Variants in AFG1L observed in about 807,000 individuals in gnomAD.
AFG1L encodes AFG1-like ATPase.
Under a neutral mutation model 62.2 loss-of-function variants are expected in AFG1L, and 53 were observed. The observed-to-expected ratio is 0.85, with a 90% confidence interval of 0.68 to 1.07. The LOEUF (loss-of-function observed/expected upper bound fraction) is 1.07. Among genes scored for constraint, AFG1L ranks in the 50% least tolerant of loss-of-function variants. The pLI is 0.00. For synonymous variants in AFG1L, 228 were observed against 210.3 expected (o/e 1.08, Z -0.73); for missense variants, 555 against 590.5 (o/e 0.94, Z 0.62).
intron 7 of AFG1L, among the ~76,000 whole-genome samples, chr6:108,419,809 A>C (rs558823649): frequency 6.6e-6 from 1 of 152,300 alleles, no homozygotes; most frequent in African/African-American, 2.4e-5. Context: ...AATGATAAGA[A>C]AATTTTTCCT....
intron 10 of AFG1L, among the ~76,000 whole-genome samples, chr6:108,504,671 A>G (rs1774330623): frequency 6.6e-6 from 1 of 152,260 alleles, no homozygotes; most frequent in Non-Finnish European, 1.5e-5. Context: ...AGTTGCCACA[A>G]ATCTTCAATT....
intron 10 of AFG1L, among the ~76,000 whole-genome samples, chr6:108,488,927 T>A (rs927766833): frequency 5.9e-5 from 9 of 152,140 alleles, no homozygotes; most frequent in Admixed American, 2.6e-4. Context: ...AGAAAGGTTC[T>A]ACTTCCATTT....
At chr6:108,473,365 T>C (rs1456491535) in intron 8 of AFG1L, among the ~76,000 whole-genome samples, 4 of 152,122 alleles carry the variant, frequency 2.6e-5, no homozygotes, top group African/African-American at 7.2e-5. Context: ...CAAGGAATTA[T>C]TTATTCACCA....
At chr6:108,318,900 T>A (rs1230682561) in intron 1 of AFG1L, among the ~76,000 whole-genome samples, 1 of 152,216 alleles carries the variant, frequency 6.6e-6, no homozygotes, top group African/African-American at 2.4e-5. Flanking sequence ...AGTAACAGAT[T>A]TAATTTAATG....
intron 6 of AFG1L, among the ~76,000 whole-genome samples, chr6:108,382,871 A>T (rs1780608466): frequency 6.6e-6 from 1 of 152,236 alleles, no homozygotes; most frequent in South Asian, 2.1e-4. Flanking sequence ...GTTCAAGATT[A>T]TATACACGTG....
intron 8 of AFG1L, among the ~76,000 whole-genome samples, chr6:108,476,401 TG>T (rs1207167530): frequency 6.6e-6 from 1 of 152,220 alleles, no homozygotes; most frequent in Non-Finnish European, 1.5e-5. Flanking sequence ...AATTTAATTC[TG>T]GAGGTTTGAT....
intron 10 of AFG1L, among the ~76,000 whole-genome samples, chr6:108,497,504 G>T (rs1314330193): frequency 3.3e-5 from 5 of 151,344 alleles, no homozygotes; most frequent in South Asian, 2.1e-4. Context: ...TTTCATATCA[G>T]TTTGCTCTCT....
At chr6:108,431,953 C>T (rs908637957) in intron 7 of AFG1L, among the ~76,000 whole-genome samples, 36 of 150,644 alleles carry the variant, frequency 2.4e-4, no homozygotes, top group African/African-American at 8.1e-4. Flanking sequence ...CCACAGAGTT[C>T]CAGACACTGA....
rs1469449412 is a variant in AFG1L at position 108,330,941 on chromosome 6, G to A, written c.363+6893G>A. Among the ~76,000 whole-genome samples the A allele has an allele frequency of 2.0e-5, 3 of 152,150 alleles. No individual in the cohort carries two copies. The East Asian group carries it at 5.8e-4, about 29-fold the overall frequency. On this transcript the variant is annotated intron_variant, in intron 2 of 12. Transcript: ENST00000368977. ...GAAAATGAACTAAGACATGTGCTAA[G>A]TAGGATTTATGATTTTATGAACTTT... is the stretch of plus-strand genomic sequence containing the variant.
rs1452330713 is a variant in AFG1L at position 108,476,890 on chromosome 6, G to A, written c.916G>A (p.Val306Ile). ...YLTSEADVEA[V>I]MDKLFDELAQ... ...CACAAGTGAAGCTGATGTGGAGGCTGTCATGGATAAGTTGTTTGATGAGCT... is the reference window on the plus strand; with the variant it reads ...CACAAGTGAAGCTGATGTGGAGGCTATCATGGATAAGTTGTTTGATGAGCT... The change falls in exon 9 of 13, where the codon GTC (valine) becomes ATC (isoleucine). Residue 306 changes from valine to isoleucine, a missense_variant. Val to Ile is a conservative substitution (Grantham distance 29). Coordinates refer to ENST00000368977, the MANE Select transcript of AFG1L (RefSeq NM_145315.5). 2 of 1,613,794 alleles carry A rather than the reference G, an allele frequency of 1.2e-6. No homozygotes were observed. The highest frequency in any genetic ancestry group is 2.7e-5 in the African/African-American group (2 of 74,926).
At chr6:108,474,322 G>A (rs142366724) in intron 8 of AFG1L, among the ~76,000 whole-genome samples, 3 of 152,270 alleles carry the variant, frequency 2.0e-5, no homozygotes, top group Non-Finnish European at 4.4e-5. Flanking sequence ...CTTTGCTGTT[G>A]TGAATAGTGC....
In AFG1L at chr6:108,500,693, ATAGTAGTTCTATTTT is replaced by A. The variant is rs1774163396; in HGVS notation, c.1063-9514_1063-9500del. 2.0e-5 allele frequency among the ~76,000 whole-genome samples: 3 copies of A among 152,288 alleles called. 1 individual carries two copies. In the South Asian group the frequency reaches 6.2e-4, roughly 32 times the overall value. On this transcript the variant is annotated intron_variant, in intron 10 of 12. Coordinates refer to ENST00000368977, the MANE Select transcript of AFG1L (RefSeq NM_145315.5). ...CCCAGTAGTGGGATTGCTGGGTTGA[ATAGTAGTTCTATTTT>A]TAGTTCTTTGAGAAATCTCCATACT...
At position 108,323,810 on chromosome 6, in the gene AFG1L, T is replaced by C. The variant is rs764709478; in HGVS notation, c.140-15T>C. On this transcript the variant is annotated splice_polypyrimidine_tract_variant and intron_variant, in intron 1 of 12. Transcript: ENST00000368977. ...GTATTTAAGAAAGTCTAAAATTTTA[T>C]GTTTTTGTTTATAGCCTATACGGTT... 1.7e-5 allele frequency: 27 copies of C among 1,587,418 alleles called. No homozygotes were observed. The highest frequency in any genetic ancestry group is 2.2e-5 in the Non-Finnish European group (26 of 1,158,804).
At chr6:108,359,096 G>T (rs1211260623) in intron 5 of AFG1L, 4 of 152,030 alleles carry the variant, frequency 2.6e-5, no homozygotes, top group Admixed American at 6.5e-5. Context: ...TGTCTATTTT[G>T]TATTATATTT....
chr6:108,302,679 T>G (rs1429032037), intron 1 of AFG1L, among the ~76,000 whole-genome samples: 3 of 152,120 alleles, frequency 2.0e-5, no homozygotes, highest in Non-Finnish European at 4.4e-5. Context: ...GCGCTATAAG[T>G]CAAGTTTGAT....
At chr6:108,302,348 T>C (rs1483851562) in intron 1 of AFG1L, among the ~76,000 whole-genome samples, 1 of 152,232 alleles carries the variant, frequency 6.6e-6, no homozygotes, top group Non-Finnish European at 1.5e-5. Flanking sequence ...CTGATTTGCT[T>C]TGTTATACTT....
chr6:108,495,749 A>G (rs1157746408), intron 10 of AFG1L, among the ~76,000 whole-genome samples: 2 of 152,226 alleles, frequency 1.3e-5, no homozygotes, highest in Non-Finnish European at 2.9e-5. Context: ...GTCATTATAG[A>G]TTTAAAGTTC....
At chr6:108,348,065 G>GTTTTGT (rs368344668) in intron 3 of AFG1L, among the ~76,000 whole-genome samples, 2,042 of 151,942 alleles carry the variant, frequency 0.013, 38 homozygotes, top group African/African-American at 0.042. Context: ...AGTAGGTTTT[G>GTTTTGT]TTTTGTTTTT....
chr6:108,399,769 CTTTTTTTTTTT>C lies in AFG1L; in HGVS notation c.749-2210_749-2200del, dbSNP rs757924406. ...TGGGGTGGGGTGTGGAAGTATCTCTCTTTTTTTTTTTTTTTTTTTTTTTTTTTGAGATAAGG... is the reference window on the plus strand; with the variant it reads ...TGGGGTGGGGTGTGGAAGTATCTCTCTTTTTTTTTTTTTTTTGAGATAAGG... On this transcript the variant is annotated intron_variant, in intron 6 of 12. Transcript: ENST00000368977. Among the ~76,000 whole-genome samples, 13 of 42,658 alleles carry C rather than the reference CTTTTTTTTTTT, an allele frequency of 3.0e-4. 1 individual carries two copies. The highest frequency in any genetic ancestry group is 2.5e-3 in the Admixed American group (9 of 3,584). 28.0% of individuals were successfully genotyped at this position (42,658 alleles called of 152,430 possible). A position where few individuals can be genotyped will look rare whatever the true frequency, so the allele number is the denominator to read the frequency against.
Sources: allele counts gnomAD v4.1 joint callset (sites outside exome capture counted in the v4.1 genomes callset), GRCh38; gene constraint gnomAD v4.1.1; transcripts MANE v1.5; gene names NCBI Gene and HGNC (gene_info 2026-07-23, HGNC 2026-07-21).